Variants in MLIP observed in about 807,000 individuals in gnomAD.
The protein encoded by MLIP is muscular LMNA-interacting protein.
MLIP carries 79 observed loss-of-function variants against 84.8 expected under a neutral mutation model. The ratio of observed to expected loss-of-function variants is 0.93; its 90% CI spans 0.78 to 1.12. MLIP has a LOEUF of 1.12. Among genes scored for constraint, MLIP ranks in the 50% most tolerant of loss-of-function variants. MLIP has a pLI of 0.00. For synonymous variants in MLIP, 504 were observed against 463.0 expected (o/e 1.09, Z -1.14); for missense variants, 1,257 against 1,160.6 (o/e 1.08, Z -1.21).
chr6:54,163,914 T>C (rs144978056), intron 8 of MLIP, among the ~76,000 whole-genome samples: 13 of 152,034 alleles, frequency 8.6e-5, no homozygotes, highest in Admixed American at 2.6e-4. Flanking sequence ...TGTCTTTTCA[T>C]TTAAATTATA....
At chr6:54,212,021 C>A (rs754429843) in intron 11 of MLIP, among the ~76,000 whole-genome samples, 2 of 152,176 alleles carry the variant, frequency 1.3e-5, no homozygotes, top group Non-Finnish European at 2.9e-5. Flanking sequence ...TGGAATTCGT[C>A]ATATTCCAAA....
chr6:54,051,418 C>T (rs911574050), intron 1 of MLIP, among the ~76,000 whole-genome samples: 3 of 151,950 alleles, frequency 2.0e-5, no homozygotes, highest in Non-Finnish European at 4.4e-5. Context: ...GTTGTAACAT[C>T]AGTGGAAAAC....
intron 1 of MLIP, chr6:54,029,161 C>T (rs1199207542): frequency 2.6e-5 from 4 of 152,154 alleles, no homozygotes; most frequent in Non-Finnish European, 5.9e-5. Flanking sequence ...AAAATCATTT[C>T]AATAAATGAT....
At chr6:54,245,788 C>T (rs1396369162) in intron 12 of MLIP, among the ~76,000 whole-genome samples, 1 of 151,978 alleles carries the variant, frequency 6.6e-6, no homozygotes, top group Non-Finnish European at 1.5e-5. Context: ...TGTCTCATTG[C>T]CGTAATGTAT....
chr6:54,216,076 C>T, intron 11 of MLIP: 2 of 740,066 alleles, frequency 2.7e-6, no homozygotes, highest in African/African-American at 1.9e-5. Flanking sequence ...CATCAACAGA[C>T]ACTTCGGTTG....
chr6:54,145,798 A>C (rs1582269873), intron 4 of MLIP, among the ~76,000 whole-genome samples: 1 of 150,654 alleles, frequency 6.6e-6, no homozygotes, highest in African/African-American at 2.4e-5. Flanking sequence ...CCCCCACAAA[A>C]AAAAAAAGAA....
At chr6:54,098,148 CTTTTTTTTT>C (rs5876357) in intron 1 of MLIP, among the ~76,000 whole-genome samples, 5 of 123,858 alleles carry the variant, frequency 4.0e-5, no homozygotes, top group Non-Finnish European at 6.7e-5. Context: ...ATTTTTCTTT[CTTTTTTTTT>C]TTTTTTTTTT....
chr6:54,217,229 A>G (rs1226645586), intron 11 of MLIP: 1 of 985,264 alleles, frequency 1.0e-6, no homozygotes, highest in Admixed American at 6.1e-5. Flanking sequence ...AGAGGAAGTG[A>G]ATTTTCACCC....
At chr6:54,098,941 G>C (rs1387946804) in intron 1 of MLIP, among the ~76,000 whole-genome samples, 2 of 152,130 alleles carry the variant, frequency 1.3e-5, no homozygotes, top group African/African-American at 4.8e-5. Context: ...AAGTGGGAAA[G>C]CTGGGATTGA....
At chr6:54,217,776 A>G in intron 11 of MLIP, 1 of 985,250 alleles carries the variant, frequency 1.0e-6, no homozygotes, top group African/African-American at 1.7e-5. Context: ...ATTGATAGAA[A>G]CATGTCCAAG....
intron 12 of MLIP, among the ~76,000 whole-genome samples, chr6:54,234,784 T>C (rs576782697): frequency 3.9e-5 from 6 of 152,340 alleles, no homozygotes; most frequent in African/African-American, 4.8e-5. Context: ...TGGGATAATA[T>C]GCACATTCTA....
chr6:54,120,427 TG>T (rs1770345941), intron 1 of MLIP, among the ~76,000 whole-genome samples: 1 of 151,976 alleles, frequency 6.6e-6, no homozygotes, highest in Non-Finnish European at 1.5e-5. Flanking sequence ...TTAATAGAGA[TG>T]GGGTTTCACC....
intron 1 of MLIP, among the ~76,000 whole-genome samples, chr6:54,024,636 C>T (rs4712053): frequency 0.99 from 151,014 of 152,348 alleles, 74,861 homozygotes; most frequent in Middle Eastern, 1. Flanking sequence ...GCAATTATTA[C>T]GCTTTGATTA....
rs902140805 is a variant in MLIP, at chr6:54,190,612, C to T, written c.2589+698C>T. 5.3e-5 allele frequency among the ~76,000 whole-genome samples: 8 copies of T among 152,052 alleles called. No homozygotes were observed. The East Asian group carries it at 1.5e-3, about 29-fold the overall frequency. ...TCTCAATTCTGCCTAGTCACAAGAG[C>T]TCAACAGTGGGGACTACATTGGGCA... On this transcript the variant is annotated intron_variant, in intron 10 of 13. Coordinates refer to ENST00000502396, the MANE Select transcript of MLIP (RefSeq NM_001281747.2).
chr6:54,056,562 G>C (rs1459508562), intron 1 of MLIP, among the ~76,000 whole-genome samples: 1 of 152,128 alleles, frequency 6.6e-6, no homozygotes, highest in Non-Finnish European at 1.5e-5. Context: ...CTACTTCTGA[G>C]AGAATACTTT....
chr6:54,047,104 T>C (rs1765105589), intron 1 of MLIP: 1 of 152,204 alleles, frequency 6.6e-6, no homozygotes, highest in African/African-American at 2.4e-5. Context: ...CTGTAATTCT[T>C]GGTCAGCGTC....
At position 54,124,506 on chromosome 6, in the gene MLIP, G is replaced by A; in HGVS notation, c.286G>A (p.Gly96Arg). ...KSNDYLTLNA[G>R]SQQERDQAKL... Reference sequence around the variant, plus strand: ...CAATGACTACTTGACCTTGAATGCTGGGAGCCAACAAGAGAGAGACCAAGC... The same window carrying A: ...CAATGACTACTTGACCTTGAATGCTAGGAGCCAACAAGAGAGAGACCAAGC... The change falls in exon 3 of 14, where the codon GGG becomes AGG. Residue 96 changes from glycine to arginine, a missense_variant. Coordinates refer to ENST00000502396, the MANE Select transcript of MLIP (RefSeq NM_001281747.2). 1 of 1,614,004 alleles carries A rather than the reference G, an allele frequency of 6.2e-7. No homozygotes were observed. The highest frequency in any genetic ancestry group is 1.1e-5 in the South Asian group (1 of 91,070).
intron 1 of MLIP, chr6:54,083,482 A>G (rs1250638056): frequency 2.0e-6 from 3 of 1,532,562 alleles, no homozygotes; most frequent in Non-Finnish European, 2.6e-6. Flanking sequence ...CAGCTGACAC[A>G]GGCAAGTGTT....
chr6:54,210,215 G>GT, intron 11 of MLIP, among the ~76,000 whole-genome samples: 1 of 152,336 alleles, frequency 6.6e-6, no homozygotes, highest in South Asian at 2.1e-4. Flanking sequence ...TCCTACATAC[G>GT]TTTCAGTTCT....
Sources: gnomAD v4.1 joint callset for allele counts (sites outside exome capture counted in the v4.1 genomes callset) on GRCh38, gnomAD v4.1.1 for gene constraint, MANE v1.5 for transcripts, NCBI Gene and HGNC (gene_info 2026-07-23, HGNC 2026-07-21) for gene names.